CHD5: variants seen among roughly 807,000 people sequenced by gnomAD.
CHD5 encodes ATP-dependent chromatin remodeler CHD5.
A neutral mutation model predicts 230.3 loss-of-function variants in CHD5; 69 were observed. That is an observed-to-expected ratio of 0.30 (90% CI 0.25 to 0.37). The LOEUF (loss-of-function observed/expected upper bound fraction) is 0.37, where lower values mean the gene tolerates loss of function less well. CHD5 is among the 10% of genes least tolerant of loss of function. The pLI, the probability that CHD5 is intolerant of heterozygous loss-of-function variation, is 1.00. For missense variants in CHD5, 1,827 were observed against 2,622.8 expected (o/e 0.70, Z 6.63); for synonymous variants, 1,064 against 1,065.9 (o/e 1.00, Z 0.03).
Position 6,154,612 on chromosome 1 carries a change from G to A in CHD5, c.745+48C>T, listed in dbSNP as rs1246705639. On this transcript the variant is annotated intron_variant, in intron 5 of 41. Transcript: ENST00000262450. This position sits in a 1 kb window ranked among gnomAD's most constrained non-coding sequence, Gnocchi z 7.0. ...GTGGCTTCTCCTATAGGGTCTGAAA[G>A]GGACCTCTTCCCAGCGGGACTAGGT... 1 of 1,507,344 alleles carries A rather than the reference G, an allele frequency of 6.6e-7. No individual in the cohort carries two copies. Among genetic ancestry groups the A allele is most frequent in the South Asian group, 1.3e-5 (1 of 75,502 alleles). The allele number at this position is 1,507,344 out of a possible 1,614,324, so 93.4% of individuals were successfully genotyped here.
chr1:6,136,691 C>T (rs200681406), intron 16 of CHD5, 37 bp downstream of exon 16: 105 of 1,611,184 alleles, frequency 6.5e-5, no homozygotes, highest in Middle Eastern at 1.7e-4. Context: ...CCCCTCGCCC[C>T]GGGAAGCTCT....
chr1:6,123,083 A>G (rs1033331757), intron 31 of CHD5, among the ~76,000 whole-genome samples: 19 of 151,726 alleles, frequency 1.3e-4, no homozygotes, highest in Admixed American at 1.1e-3. Context: ...AAAAAAAAGG[A>G]AGAAAGAAAG....
chr1:6,119,924 G>A (rs1340151662), intron 33 of CHD5, among the ~76,000 whole-genome samples: 1 of 150,364 alleles, frequency 6.7e-6, no homozygotes, highest in Non-Finnish European at 1.5e-5. Flanking sequence ...GCAGTGACAC[G>A]ATCTCCACTC....
At chr1:6,145,111 G>C (rs539441769) in intron 11 of CHD5, among the ~76,000 whole-genome samples, 1 of 152,184 alleles carries the variant, frequency 6.6e-6, no homozygotes, top group African/African-American at 2.4e-5. Flanking sequence ...GCCTGGGGAG[G>C]AAAAGGGGGG....
intron 1 of CHD5, among the ~76,000 whole-genome samples, chr1:6,176,095 A>G (rs545900371): frequency 6.6e-6 from 1 of 152,142 alleles, no homozygotes; most frequent in Non-Finnish European, 1.5e-5. Flanking sequence ...GACAATGAAT[A>G]ACCCACTGGC....
At chr1:6,133,051 G>A (rs1029388124) in intron 20 of CHD5, among the ~76,000 whole-genome samples, 5 of 152,150 alleles carry the variant, frequency 3.3e-5, no homozygotes, top group South Asian at 2.1e-4. Flanking sequence ...GAGCCACTGC[G>A]CCCAGCCCCT....
chr1:6,121,006 G>A lies in CHD5; in HGVS notation c.4912+99C>T, dbSNP rs1232505791. ...GGTTGGAGTCTACCTCTCTGCCAGG[G>A]AGAAATGAGCGGAAGTACAGCCACC... On this transcript the variant is annotated intron_variant, in intron 33 of 41. Coordinates refer to ENST00000262450, the MANE Select transcript of CHD5 (RefSeq NM_015557.3). This position sits in a 1 kb window ranked among gnomAD's most constrained non-coding sequence, Gnocchi z 4.5. 3.0e-6 allele frequency: 4 copies of A among 1,353,352 alleles called. No individual in the cohort carries two copies. In the African/African-American group the frequency reaches 4.5e-5, roughly 15 times the overall value. 83.8% of individuals were successfully genotyped at this position (1,353,352 alleles called of 1,614,324 possible).
At position 6,177,166 on chromosome 1, in the gene CHD5, C is replaced by T. The variant is rs553855800; in HGVS notation, c.79+2779G>A. Among the ~76,000 whole-genome samples the T allele has an allele frequency of 3.3e-5, 5 of 152,338 alleles. No individual in the cohort carries two copies. The South Asian group carries it at 1.0e-3, about 32-fold the overall frequency. On this transcript the variant is annotated intron_variant, in intron 1 of 41. Transcript: ENST00000262450. ...ACTGAAAAATCATCATGACAGCTTC[C>T]AAAACACTAGCTCCTCCAGCCACAA...
chr1:6,152,397 C>A lies in CHD5; in HGVS notation c.870+15G>T. On this transcript the variant is annotated intron_variant, in intron 6 of 41. Coordinates refer to ENST00000262450, the MANE Select transcript of CHD5 (RefSeq NM_015557.3). ...ATGCAAATGCACACACACGCGCACA[C>A]ACGCACACACTCACCGAGGAGCCTT... is the stretch of plus-strand genomic sequence containing the variant. 1 of 1,610,614 alleles carries A rather than the reference C, an allele frequency of 6.2e-7. No individual in the cohort carries two copies. Among genetic ancestry groups the A allele is most frequent in the Non-Finnish European group, 8.5e-7 (1 of 1,178,274 alleles).
At position 6,151,138 on chromosome 1, in the gene CHD5, C is replaced by T; in HGVS notation, c.888G>A (p.Arg296=). The T allele has an allele frequency of 1.9e-6, 3 of 1,605,934 alleles. No individual in the cohort carries two copies. Among genetic ancestry groups the T allele is most frequent in the Admixed American group, 1.7e-5 (1 of 59,416 alleles). Residue 296 remains arginine, a synonymous_variant, in exon 7 of 42, where the codon AGG becomes AGA. Transcript: ENST00000262450. ...TGGCGCTGTCGAAGTCCGACTCCTC[C>T]CTCTCATCTTCTTCACTCTGCAGGG... ...KKGSSSEEDE[R]EESDFDSASI... is the part of the protein sequence containing the mutation.
chr1:6,164,468 C>T (rs569175861), intron 2 of CHD5, among the ~76,000 whole-genome samples: 3 of 152,314 alleles, frequency 2.0e-5, no homozygotes, highest in South Asian at 2.1e-4. Flanking sequence ...GCTCAGGTTC[C>T]GGCTGCAGCC....
Position 6,121,562 on chromosome 1 carries a change from C to T in CHD5, c.4711G>A (p.Ala1571Thr), listed in dbSNP as rs757567388. ...TTCTCATCCATGTAGCCCAGCTGGGCTTCCATTTTGTCTGAAAGATCAAGG... is the reference window on the plus strand; with the variant it reads ...TTCTCATCCATGTAGCCCAGCTGGGTTTCCATTTTGTCTGAAAGATCAAGG... Reference protein sequence around the residue: ...APLGLPDKMEAQLGYMDEKDP... With the variant: ...APLGLPDKMETQLGYMDEKDP... Residue 1571 changes from alanine (A) to threonine (T), a missense_variant, in exon 32 of 42, where the codon GCC becomes ACC. Physicochemically the swap from Ala to Thr is moderately conservative, Grantham distance 58. This residue lies in a region of CHD5 where 272 missense variants were observed against 263.2 expected (regional missense o/e 1.03). Transcript: ENST00000262450. This position sits in a 1 kb window ranked among gnomAD's most constrained non-coding sequence, Gnocchi z 4.5. The T allele has an allele frequency of 6.2e-7, 1 of 1,612,244 alleles. No homozygotes were observed.
Position 6,180,040 on chromosome 1 carries a change from A to G in CHD5, c.-17T>C. On this transcript the variant is annotated 5_prime_UTR_variant, in exon 1 of 42. Transcript: ENST00000262450. The stretch of plus-strand genomic sequence containing the variant: ...GCCCCGCATGCCCGGCGCGGGGAGG[A>G]GGGGAGGTGGGCGCCCCCCCTCCCG... 7.8e-7 allele frequency: 1 copy of G among 1,275,322 alleles called. No individual in the cohort carries two copies. The highest frequency in any genetic ancestry group is 1.0e-6 in the Non-Finnish European group (1 of 994,016). The allele number at this position is 1,275,322 out of a possible 1,614,324, so 79.0% of individuals were successfully genotyped here. A position where few individuals can be genotyped will look rare whatever the true frequency, so the allele number is the denominator to read the frequency against.
chr1:6,179,648 C>A (rs1354217693), intron 1 of CHD5, among the ~76,000 whole-genome samples: 2 of 149,790 alleles, frequency 1.3e-5, no homozygotes, highest in African/African-American at 4.8e-5. Flanking sequence ...AGCGCCGCGC[C>A]CCCCAGCGCA....
rs1557537297 is a variant in CHD5 at position 6,112,978 on chromosome 1, CCTT to C, written c.4930_4932del (p.Lys1644del). ...AGCTCCAGCTTGTCCAGGATCTTCT[CCTT>C]CTCAGGAAGCACCTCCTCTGCAAGA... On this transcript the variant is annotated inframe_deletion, in exon 34 of 42. Transcript: ENST00000262450. 7 of 1,613,794 alleles carry C rather than the reference CCTT, an allele frequency of 4.3e-6. No homozygotes were observed. The highest frequency in any genetic ancestry group is 8.5e-7 in the Non-Finnish European group (1 of 1,179,756).
At position 6,128,058 on chromosome 1, in the gene CHD5, C is replaced by G; in HGVS notation, c.3891G>C (p.Glu1297Asp). The change falls in exon 25 of 42, where the codon GAG becomes GAC. Residue 1297 changes from glutamate (E) to aspartate (D), a missense_variant. Physicochemically the swap from Glu to Asp is conservative, Grantham distance 45 (BLOSUM62 2). Around this residue, in one of 14 missense-constraint regions of CHD5, gnomAD observed 137 missense variants for 272.7 expected, o/e 0.50. Coordinates refer to ENST00000262450, the MANE Select transcript of CHD5 (RefSeq NM_015557.3). The surrounding 1 kb of genome is among the most constrained non-coding windows in gnomAD (Gnocchi z 7.8). Reference protein sequence around the residue: ...SFKVAQYVVREEDGVEEVERE... With the variant: ...SFKVAQYVVRDEDGVEEVERE... Reference sequence around the variant, plus strand: ...CCGGGGACCTTACCACGCCGTCCTCCTCGCGCACCACGTACTGCGCCACCT... The same window carrying G: ...CCGGGGACCTTACCACGCCGTCCTCGTCGCGCACCACGTACTGCGCCACCT... 6.2e-7 allele frequency: 1 copy of G among 1,609,420 alleles called. No individual in the cohort carries two copies. Among genetic ancestry groups the G allele is most frequent in the Non-Finnish European group, 8.5e-7 (1 of 1,178,164 alleles).
chr1:6,152,457 C>T lies in CHD5; in HGVS notation c.825G>A (p.Lys275=). The T allele has an allele frequency of 6.2e-7, 1 of 1,614,190 alleles. No individual in the cohort carries two copies. Among genetic ancestry groups the T allele is most frequent in the South Asian group, 1.1e-5 (1 of 91,086 alleles). Residue 275 remains lysine, a synonymous_variant, in exon 6 of 42, where the codon AAG becomes AAA. Coordinates refer to ENST00000262450, the MANE Select transcript of CHD5 (RefSeq NM_015557.3). Reference sequence around the variant, plus strand: ...TGTTGCTGATCCCCCCGAAGCGGAACTTGAGCCCGGCCGTCTTTTTCCCTT... The same window carrying T: ...TGTTGCTGATCCCCCCGAAGCGGAATTTGAGCCCGGCCGTCTTTTTCCCTT... ...KGKGKKTAGL[K]FRFGGISNKR...
intron 33 of CHD5, among the ~76,000 whole-genome samples, chr1:6,114,065 T>C (rs1336288981): frequency 6.6e-6 from 1 of 152,120 alleles, no homozygotes; most frequent in Non-Finnish European, 1.5e-5. Context: ...CTGACCAATA[T>C]GGTGAAACCC....
At chr1:6,108,959 G>A (rs939761180) in intron 38 of CHD5, among the ~76,000 whole-genome samples, 11 of 151,900 alleles carry the variant, frequency 7.2e-5, no homozygotes, top group East Asian at 3.8e-4. Flanking sequence ...GAGGTAGCCC[G>A]AGAGCTGGGG....
Sources: gnomAD v4.1 joint callset for allele counts (sites outside exome capture counted in the v4.1 genomes callset) on GRCh38, gnomAD v4.1.1 for gene constraint, gnomAD v4.1.1 regional missense constraint, Gnocchi (gnomAD v3.1) non-coding constraint, MANE v1.5 for transcripts, NCBI Gene and HGNC (gene_info 2026-07-23, HGNC 2026-07-21) for gene names.